The following JAKMIP2 variants were observed in gnomAD, a reference collection of about 807,000 sequenced individuals.
JAKMIP2 encodes janus kinase and microtubule-interacting protein 2.
A neutral mutation model predicts 115.0 loss-of-function variants in JAKMIP2; 25 were observed. The ratio of observed to expected loss-of-function variants is 0.22; its 90% CI spans 0.16 to 0.30. The LOEUF is 0.30. Among genes scored for constraint, JAKMIP2 ranks in the 10% least tolerant of loss-of-function variants. The pLI is 1.00. For synonymous variants in JAKMIP2, 334 were observed against 343.6 expected, an observed-to-expected ratio of 0.97 and a Z score of 0.31; for missense variants, 642 against 957.6, an observed-to-expected ratio of 0.67 and a Z score of 4.35.
At chr5:147,636,642 T>C (rs1458323876) in intron 11 of JAKMIP2, among the ~76,000 whole-genome samples, 1 of 152,180 alleles carries the variant, frequency 6.6e-6, no homozygotes, top group African/African-American at 2.4e-5. Flanking sequence ...ACCATAAATG[T>C]AGCATAGAGG....
chr5:147,611,990 G>C (rs866005303), intron 20 of JAKMIP2: 2 of 452,862 alleles, frequency 4.4e-6, no homozygotes, highest in African/African-American at 4.0e-5. Context: ...TTTAAAAAAA[G>C]AGCAAAGTAG....
intron 12 of JAKMIP2, 65 bp downstream of exon 12, chr5:147,636,157 C>A: frequency 7.4e-7 from 1 of 1,354,398 alleles, no homozygotes; most frequent in Non-Finnish European, 1.1e-6. Context: ...GAGAGCACCC[C>A]CTGCTGCTCC....
At chr5:147,618,332 C>G (rs972303281) in intron 18 of JAKMIP2, among the ~76,000 whole-genome samples, 1 of 151,986 alleles carries the variant, frequency 6.6e-6, no homozygotes, top group Non-Finnish European at 1.5e-5. Flanking sequence ...ATGAACTTCT[C>G]TAGTGAGGGA....
intron 12 of JAKMIP2, 119 bp downstream of exon 12, chr5:147,636,103 G>T: frequency 1.4e-6 from 1 of 735,160 alleles, no homozygotes; most frequent in Non-Finnish European, 2.3e-6. Flanking sequence ...GGACAGAGCA[G>T]TGCCGGAAAA....
chr5:147,769,103 C>T (rs578122258), intron 1 of JAKMIP2, among the ~76,000 whole-genome samples: 13 of 152,140 alleles, frequency 8.5e-5, no homozygotes, highest in East Asian at 3.9e-4. Flanking sequence ...AATGATATCA[C>T]GGTTGTCAAA....
chr5:147,600,373 T>C (rs1184764268), intron 21 of JAKMIP2, among the ~76,000 whole-genome samples: 1 of 152,166 alleles, frequency 6.6e-6, no homozygotes, highest in Non-Finnish European at 1.5e-5. Flanking sequence ...AACTCTTTGC[T>C]TGTATCAGGT....
At chr5:147,730,545 T>C (rs1256003312) in intron 1 of JAKMIP2, among the ~76,000 whole-genome samples, 1 of 151,860 alleles carries the variant, frequency 6.6e-6, no homozygotes, top group African/African-American at 2.4e-5. Flanking sequence ...AACTTCCACC[T>C]CCCGGGTTCA....
intron 1 of JAKMIP2, among the ~76,000 whole-genome samples, chr5:147,774,122 C>T (rs1755467556): frequency 6.6e-6 from 1 of 152,044 alleles, no homozygotes; most frequent in South Asian, 2.1e-4. Flanking sequence ...AAATACAAAA[C>T]CTGTTTTATA....
At chr5:147,752,567 G>A (rs959704121) in intron 1 of JAKMIP2, among the ~76,000 whole-genome samples, 2 of 152,118 alleles carry the variant, frequency 1.3e-5, no homozygotes, top group African/African-American at 4.8e-5. Context: ...CCTACCTTAA[G>A]GCCCACAAAA....
chr5:147,723,878 A>G (rs2126950972), intron 1 of JAKMIP2, among the ~76,000 whole-genome samples: 1 of 152,290 alleles, frequency 6.6e-6, no homozygotes, highest in South Asian at 2.1e-4. Context: ...TAAAACCCCC[A>G]AAGAGAGATG....
chr5:147,702,658 A>AAG (rs1257979574), intron 1 of JAKMIP2, among the ~76,000 whole-genome samples: 2 of 111,144 alleles, frequency 1.8e-5, no homozygotes, highest in African/African-American at 8.3e-5. Flanking sequence ...GAAAGAAAGA[A>AAG]AGAAAGAGAG....
chr5:147,724,926 C>T (rs538120854), intron 1 of JAKMIP2, among the ~76,000 whole-genome samples: 5 of 152,248 alleles, frequency 3.3e-5, no homozygotes, highest in Non-Finnish European at 5.9e-5. Flanking sequence ...CTGAGACCTA[C>T]TGGACTGCAT....
At chr5:147,644,812 C>A in intron 6 of JAKMIP2, 38 bp downstream of exon 6, 1 of 1,566,922 alleles carries the variant, frequency 6.4e-7, no homozygotes, top group South Asian at 1.2e-5. Context: ...GTAATATAAT[C>A]AAGGAAGCTG....
At chr5:147,638,874 G>A (rs1757746726) in intron 10 of JAKMIP2, among the ~76,000 whole-genome samples, 1 of 152,082 alleles carries the variant, frequency 6.6e-6, no homozygotes, top group South Asian at 2.1e-4. Context: ...TCTATAGAAA[G>A]AAGATAATAA....
At chr5:147,764,889 G>GGAAA (rs758768756) in intron 1 of JAKMIP2, among the ~76,000 whole-genome samples, 1,733 of 60,444 alleles carry the variant, frequency 0.029, 99 homozygotes, top group Middle Eastern at 0.062. Flanking sequence ...TGTCTAAAAG[G>GGAAA]GAAAGAAAGA....
At chr5:147,668,849 C>T (rs553052668) in intron 2 of JAKMIP2, among the ~76,000 whole-genome samples, 1 of 152,242 alleles carries the variant, frequency 6.6e-6, no homozygotes, top group South Asian at 2.1e-4. Context: ...GGGACTCTGG[C>T]AGGATGAAAT....
In JAKMIP2 at chr5:147,588,003, G is replaced by A. The variant is rs1754945597; in HGVS notation, c.*3704C>T. ...ATTCTTCCACCCCTAAAACCTAACT[G>A]TTGGTAATAATTTAATTTATATAGC... On this transcript the variant is annotated 3_prime_UTR_variant, in exon 22 of 22. Coordinates refer to ENST00000616793, the MANE Select transcript of JAKMIP2 (RefSeq NM_001270941.2). 4.0e-5 allele frequency: 6 copies of A among 151,206 alleles called. No individual in the cohort carries two copies. The South Asian group carries it at 1.3e-3, about 32-fold the overall frequency. The allele number at this position is 151,206 out of a possible 1,614,324, so 9.4% of individuals were successfully genotyped here.
chr5:147,702,532 A>G (rs1274444366), intron 1 of JAKMIP2, among the ~76,000 whole-genome samples: 1 of 146,472 alleles, frequency 6.8e-6, no homozygotes, highest in Non-Finnish European at 1.5e-5. Context: ...GGAGGGAGGG[A>G]GAGAGAGAGA....
chr5:147,611,451 C>A (rs1463831682), intron 20 of JAKMIP2, among the ~76,000 whole-genome samples: 1 of 152,074 alleles, frequency 6.6e-6, no homozygotes, highest in Non-Finnish European at 1.5e-5. Flanking sequence ...TTTCCCCGAC[C>A]CCTTGCGCTT....
Sources: gnomAD v4.1 joint callset for allele counts (sites outside exome capture counted in the v4.1 genomes callset) on GRCh38, gnomAD v4.1.1 for gene constraint, MANE v1.5 for transcripts, NCBI Gene and HGNC (gene_info 2026-07-23, HGNC 2026-07-21) for gene names.